LINGO2: variants seen among roughly 807,000 people sequenced by gnomAD.
LINGO2 encodes the protein leucine-rich repeat and immunoglobulin-like domain-containing nogo receptor-interacting protein 2.
A neutral mutation model predicts 30.6 loss-of-function variants in LINGO2; 14 were observed. The ratio of observed to expected loss-of-function variants is 0.46; its 90% CI spans 0.30 to 0.72. The LOEUF (loss-of-function observed/expected upper bound fraction) is 0.72. LINGO2 is among the 30% of genes least tolerant of loss of function. The pLI is 0.07. For synonymous variants in LINGO2, 317 were observed against 288.5 expected (o/e 1.10, Z -1.00); for missense variants, 729 against 751.7 (o/e 0.97, Z 0.35).
chr9:28,109,995 T>C (rs753401853), intron 4 of LINGO2, among the ~76,000 whole-genome samples: 2 of 152,114 alleles, frequency 1.3e-5, no homozygotes, highest in Non-Finnish European at 2.9e-5. Flanking sequence ...TTCCAAACTA[T>C]ACTACAAGAC....
chr9:28,848,867 G>A, the LINGO2 span, among the ~76,000 whole-genome samples: 2 of 151,756 alleles, frequency 1.3e-5, no homozygotes, highest in South Asian at 4.2e-4. Context: ...GATTGTTTAT[G>A]TGTCTCCTCC....
chr9:28,754,017 A>AACACAC, the LINGO2 span, among the ~76,000 whole-genome samples: 751 of 146,120 alleles, frequency 5.1e-3, 12 homozygotes, highest in African/African-American at 0.017. Flanking sequence ...CACACACACA[A>AACACAC]ACACACACAC....
chr9:28,761,704 A>T, the LINGO2 span, among the ~76,000 whole-genome samples: 6 of 152,058 alleles, frequency 3.9e-5, no homozygotes, highest in African/African-American at 1.5e-4. Flanking sequence ...GAGTAAAAAC[A>T]AATGCAAATT....
At chr9:28,044,645 TCAAG>T (rs1824335684) in intron 4 of LINGO2, among the ~76,000 whole-genome samples, 1 of 152,006 alleles carries the variant, frequency 6.6e-6, no homozygotes, top group Non-Finnish European at 1.5e-5. Context: ...TAGTTCTAAG[TCAAG>T]CAAGAAGAGG....
At chr9:28,641,273 T>C (rs968220031) in intron 1 of LINGO2, among the ~76,000 whole-genome samples, 19 of 152,064 alleles carry the variant, frequency 1.2e-4, no homozygotes, top group Non-Finnish European at 2.4e-4. Flanking sequence ...CCTGACCTCA[T>C]GATCTGCTTG....
rs962695032 is a variant in LINGO2, at chr9:28,174,921, T to TGTGTGA, written c.-87+120286_-87+120287insTCACAC. On this transcript the variant is annotated intron_variant, in intron 4 of 5. Transcript: ENST00000379992. ...CTCTGTGTGTGTGTGTGTGTGTGTG[T>TGTGTGA]GAGAGAGAGAGAGAGAGAGAGAGAG... 9.9e-4 allele frequency among the ~76,000 whole-genome samples: 132 copies of TGTGTGA among 133,406 alleles called. 1 individual carries two copies. Among genetic ancestry groups the TGTGTGA allele is most frequent in the African/African-American group, 2.9e-3 (104 of 35,470 alleles). 87.5% of individuals were successfully genotyped at this position (133,406 alleles called of 152,430 possible).
At chr9:27,956,326 T>G (rs1036339243) in intron 5 of LINGO2, among the ~76,000 whole-genome samples, 1 of 152,312 alleles carries the variant, frequency 6.6e-6, no homozygotes, top group African/African-American at 2.4e-5. Flanking sequence ...TGAGCATCTG[T>G]TTGTCTGCTT....
chr9:29,191,850 G>A, the LINGO2 span, among the ~76,000 whole-genome samples: 4 of 151,874 alleles, frequency 2.6e-5, no homozygotes, highest in Admixed American at 1.3e-4. Context: ...TTACAATTAC[G>A]CTGTAAACGT....
the LINGO2 span, among the ~76,000 whole-genome samples, chr9:28,702,388 G>T: frequency 6.6e-6 from 1 of 151,750 alleles, no homozygotes; most frequent in African/African-American, 2.4e-5. Flanking sequence ...CAATCAAGTG[G>T]TTTTTCTGCT....
intron 1 of LINGO2, among the ~76,000 whole-genome samples, chr9:28,573,908 ATAG>A (rs1316682768): frequency 1.3e-5 from 2 of 152,174 alleles, no homozygotes; most frequent in African/African-American, 4.8e-5. Context: ...AATGCACAGT[ATAG>A]AAGAAAAACT....
chr9:28,492,327 T>G (rs368736668), intron 1 of LINGO2, among the ~76,000 whole-genome samples: 1 of 152,142 alleles, frequency 6.6e-6, no homozygotes, highest in Non-Finnish European at 1.5e-5. Flanking sequence ...AATAAAGCAT[T>G]GAGAACACAT....
At chr9:28,795,596 TATAG>T in the LINGO2 span, among the ~76,000 whole-genome samples, 10 of 151,572 alleles carry the variant, frequency 6.6e-5, no homozygotes, top group South Asian at 2.1e-4. Context: ...TATATCCATA[TATAG>T]ATAGATACAT....
chr9:29,037,644 C>G, the LINGO2 span, among the ~76,000 whole-genome samples: 1 of 151,852 alleles, frequency 6.6e-6, no homozygotes, highest in South Asian at 2.1e-4. Context: ...AGCCAAAGTC[C>G]AAACTGTCTA....
intron 5 of LINGO2, among the ~76,000 whole-genome samples, chr9:27,989,661 T>C (rs555463844): frequency 6.6e-6 from 1 of 152,114 alleles, no homozygotes; most frequent in African/African-American, 2.4e-5. Flanking sequence ...CAAAGACCTA[T>C]GTCCAGAACA....
chr9:29,077,443 C>T, the LINGO2 span, among the ~76,000 whole-genome samples: 1 of 151,880 alleles, frequency 6.6e-6, no homozygotes, highest in African/African-American at 2.4e-5. Flanking sequence ...TCAGATACAA[C>T]CTACAATAGG....
chr9:27,974,564 G>C (rs1269355210), intron 5 of LINGO2, among the ~76,000 whole-genome samples: 1 of 152,090 alleles, frequency 6.6e-6, no homozygotes, highest in Non-Finnish European at 1.5e-5. Context: ...CACCATGACT[G>C]TGTTCATTAC....
the LINGO2 span, among the ~76,000 whole-genome samples, chr9:28,937,252 T>A: frequency 6.6e-5 from 10 of 152,148 alleles, no homozygotes; most frequent in Non-Finnish European, 1.5e-4. Flanking sequence ...AAGATGAAAG[T>A]GTATCTAAAT....
chr9:29,114,686 G>A, the LINGO2 span, among the ~76,000 whole-genome samples: 2 of 151,338 alleles, frequency 1.3e-5, no homozygotes, highest in Non-Finnish European at 2.9e-5. Context: ...AGTTTACTGA[G>A]AATGATGGTT....
intron 4 of LINGO2, among the ~76,000 whole-genome samples, chr9:28,125,266 C>T (rs985241284): frequency 3.9e-5 from 6 of 152,160 alleles, no homozygotes; most frequent in Admixed American, 2.6e-4. Flanking sequence ...CATAACAATC[C>T]ATTGGCTTAA....
Sources: gnomAD v4.1 joint callset for allele counts (sites outside exome capture counted in the v4.1 genomes callset) on GRCh38, gnomAD v4.1.1 for gene constraint, MANE v1.5 for transcripts, NCBI Gene and HGNC (gene_info 2026-07-23, HGNC 2026-07-21) for gene names.